Variants in PTPRD observed in about 807,000 individuals in gnomAD.
The protein encoded by PTPRD is receptor-type tyrosine-protein phosphatase delta.
A neutral mutation model predicts 214.5 loss-of-function variants in PTPRD; 34 were observed. The ratio of observed to expected loss-of-function variants is 0.16; its 90% CI spans 0.12 to 0.21. The LOEUF is 0.21. Among genes scored for constraint, PTPRD ranks in the 10% least tolerant of loss-of-function variants. The pLI is 1.00. For synonymous variants in PTPRD, 1,128 were observed against 845.7 expected, an observed-to-expected ratio of 1.33 and a Z score of -5.79; for missense variants, 2,545 against 2,398.7, an observed-to-expected ratio of 1.06 and a Z score of -1.27.
intron 2 of PTPRD, among the ~76,000 whole-genome samples, chr9:10,538,841 A>T (rs2058466600): frequency 1.3e-5 from 2 of 152,174 alleles, no homozygotes; most frequent in Non-Finnish European, 2.9e-5. Context: ...AAATATCTTG[A>T]ATCTTGATAT....
chr9:9,469,201 T>C (rs1237466057), intron 8 of PTPRD, among the ~76,000 whole-genome samples: 1 of 152,100 alleles, frequency 6.6e-6, no homozygotes. Context: ...AATGGATATA[T>C]GTTAAATAAA....
intron 4 of PTPRD, among the ~76,000 whole-genome samples, chr9:9,990,605 G>A (rs1034175441): frequency 3.3e-4 from 51 of 152,308 alleles, no homozygotes; most frequent in African/African-American, 1.2e-3. Flanking sequence ...ACAATCAGCT[G>A]GAAATGTAGC....
At chr9:8,427,999 A>C (rs1375898049) in intron 35 of PTPRD, among the ~76,000 whole-genome samples, 1 of 152,176 alleles carries the variant, frequency 6.6e-6, no homozygotes, top group African/African-American at 2.4e-5. Context: ...TTTGTTTTTA[A>C]TGATTGTATG....
At chr9:9,495,323 A>G (rs76167624) in intron 8 of PTPRD, among the ~76,000 whole-genome samples, 2 of 151,488 alleles carry the variant, frequency 1.3e-5, no homozygotes, top group East Asian at 3.9e-4. Context: ...AAAAAAAAAA[A>G]AAGCAACAAC....
At chr9:10,581,919 T>A (rs1236817690) in intron 2 of PTPRD, among the ~76,000 whole-genome samples, 1 of 152,140 alleles carries the variant, frequency 6.6e-6, no homozygotes, top group East Asian at 1.9e-4. Context: ...GAAAGTAGAA[T>A]TTTCAATCAT....
chr9:10,236,628 G>A (rs2099629806), intron 3 of PTPRD, among the ~76,000 whole-genome samples: 1 of 151,618 alleles, frequency 6.6e-6, no homozygotes, highest in African/African-American at 2.4e-5. Context: ...CTATATGGTG[G>A]ATCATTCTGC....
intron 10 of PTPRD, among the ~76,000 whole-genome samples, chr9:9,172,948 C>T (rs1291389788): frequency 1.3e-5 from 2 of 152,142 alleles, no homozygotes; most frequent in Non-Finnish European, 2.9e-5. Context: ...AGATCATCTT[C>T]TGTTCAGAAT....
At chr9:9,086,434 T>A (rs778170834) in intron 10 of PTPRD, among the ~76,000 whole-genome samples, 8 of 152,196 alleles carry the variant, frequency 5.3e-5, no homozygotes, top group Non-Finnish European at 8.8e-5. Context: ...GCTAGGAGCC[T>A]AAAGACTGAT....
chr9:10,143,023 G>C (rs2098997225), intron 3 of PTPRD, among the ~76,000 whole-genome samples: 1 of 149,434 alleles, frequency 6.7e-6, no homozygotes, highest in Non-Finnish European at 1.5e-5. Flanking sequence ...CTATCACAAG[G>C]ACAAAAAACC....
intron 43 of PTPRD, among the ~76,000 whole-genome samples, chr9:8,336,610 T>G (rs557435583): frequency 1.2e-5 from 1 of 84,628 alleles, no homozygotes; most frequent in Non-Finnish European, 2.4e-5. Context: ...CTAATTAAAC[T>G]AAAGAGCTTC....
chr9:8,900,894 C>T (rs1257133803), intron 11 of PTPRD, among the ~76,000 whole-genome samples: 1 of 152,152 alleles, frequency 6.6e-6, no homozygotes. Flanking sequence ...AAAGCCAAAA[C>T]TGACAGCTTT....
intron 35 of PTPRD, among the ~76,000 whole-genome samples, chr9:8,425,959 AG>A (rs1390041084): frequency 6.6e-6 from 1 of 152,184 alleles, no homozygotes; most frequent in Non-Finnish European, 1.5e-5. Context: ...AGAACTCTGT[AG>A]TTCTTCATAA....
intron 2 of PTPRD, among the ~76,000 whole-genome samples, chr9:10,352,155 C>T (rs2097194447): frequency 1.3e-5 from 2 of 151,910 alleles, no homozygotes; most frequent in Admixed American, 6.6e-5. Flanking sequence ...TCATTTTCAC[C>T]TCATTTTTGA....
intron 2 of PTPRD, among the ~76,000 whole-genome samples, chr9:10,444,973 G>C (rs1405416531): frequency 6.6e-6 from 1 of 151,972 alleles, no homozygotes; most frequent in African/African-American, 2.4e-5. Flanking sequence ...AAATACAAAT[G>C]TTGTTAAGAG....
rs1398157181 is a variant in PTPRD at position 10,106,165 on chromosome 9, T to C, written c.-544-72375A>G. The stretch of plus-strand genomic sequence containing the variant: ...TTCAATTTTGTGAACAGACCACAGA[T>C]CTTTTAACAAGTTCTCTCCTCTACC... On this transcript the variant is annotated intron_variant, in intron 3 of 45. Transcript: ENST00000381196. Among the ~76,000 whole-genome samples, 4 of 151,788 alleles carry C rather than the reference T, an allele frequency of 2.6e-5. No homozygotes were observed. In the East Asian group the frequency reaches 5.8e-4, roughly 22 times the overall value.
At position 10,061,559 on chromosome 9, in the gene PTPRD, T is replaced by C. The variant is rs80233895; in HGVS notation, c.-544-27769A>G. Among the ~76,000 whole-genome samples the C allele has an allele frequency of 2.5e-3, 382 of 152,196 alleles. 3 individuals carry two copies. The highest frequency in any genetic ancestry group is 8.5e-3 in the African/African-American group (354 of 41,558). ...AGAGTAATTAACTACATAATTAGTC[T>C]AGAGTGAATCTTATATTGTCTTCTA... On this transcript the variant is annotated intron_variant, in intron 3 of 45. Coordinates refer to ENST00000381196, the MANE Select transcript of PTPRD (RefSeq NM_002839.4).
intron 11 of PTPRD, among the ~76,000 whole-genome samples, chr9:8,897,240 C>G (rs1329592360): frequency 6.6e-6 from 1 of 152,132 alleles, no homozygotes; most frequent in African/African-American, 2.4e-5. Context: ...TGTAGACACT[C>G]ATCTCAAGGT....
chr9:9,273,868 A>G (rs1218750705), intron 9 of PTPRD, among the ~76,000 whole-genome samples: 1 of 151,228 alleles, frequency 6.6e-6, no homozygotes, highest in Non-Finnish European at 1.5e-5. Flanking sequence ...TATTCCTTAC[A>G]AGAACATTCG....
At chr9:10,245,384 A>G (rs1270884204) in intron 3 of PTPRD, among the ~76,000 whole-genome samples, 2 of 152,174 alleles carry the variant, frequency 1.3e-5, no homozygotes, top group Non-Finnish European at 2.9e-5. Context: ...TAATCACACC[A>G]TTTTATCTAT....
Sources: allele counts gnomAD v4.1 joint callset (sites outside exome capture counted in the v4.1 genomes callset), GRCh38; gene constraint gnomAD v4.1.1; transcripts MANE v1.5; gene names NCBI Gene and HGNC (gene_info 2026-07-23, HGNC 2026-07-21).